The following MELTF variants were observed in gnomAD, a reference collection of about 807,000 sequenced individuals.
MELTF encodes the protein melanotransferrin.
A neutral mutation model predicts 83.7 loss-of-function variants in MELTF; 67 were observed. The observed-to-expected ratio is 0.80, with a 90% CI of 0.66 to 0.98. The LOEUF (loss-of-function observed/expected upper bound fraction) is 0.98, where lower values mean the gene tolerates loss of function less well. Among genes scored for constraint, MELTF ranks in the 50% least tolerant of loss-of-function variants. The pLI is 0.00. For synonymous variants in MELTF, 462 were observed against 447.6 expected (o/e 1.03, Z -0.41); for missense variants, 1,002 against 1,035.6 (o/e 0.97, Z 0.44).
chr3:197,018,516 G>A (rs1348729719), intron 6 of MELTF, among the ~76,000 whole-genome samples: 1 of 151,516 alleles, frequency 6.6e-6, no homozygotes, highest in African/African-American at 2.4e-5. Context: ...GCATGATCTT[G>A]GCTCACTGCA....
At chr3:197,016,391 A>T in intron 7 of MELTF, 22 bp from the exon 8 acceptor site, 1 of 1,524,536 alleles carries the variant, frequency 6.6e-7, no homozygotes, top group Non-Finnish European at 8.8e-7. Context: ...GGGGTGTGGT[A>T]CAGGGTGGTG....
intron 9 of MELTF, among the ~76,000 whole-genome samples, chr3:197,013,353 C>T (rs938340214): frequency 6.6e-6 from 1 of 152,160 alleles, no homozygotes; most frequent in African/African-American, 2.4e-5. Flanking sequence ...CTACCCCTCA[C>T]CCAGCACAGG....
intron 4 of MELTF, 57 bp from the exon 5 acceptor site, chr3:197,023,170 G>A: frequency 3.8e-6 from 6 of 1,585,626 alleles, no homozygotes; most frequent in Non-Finnish European, 5.2e-6. Flanking sequence ...GCCAAGCCAA[G>A]CCCCCAGGGT....
At chr3:197,017,316 G>A in intron 6 of MELTF, 26 bp from the exon 7 acceptor site, 4 of 1,499,922 alleles carry the variant, frequency 2.7e-6, no homozygotes, top group Non-Finnish European at 3.6e-6. Context: ...CCTGGGCTGA[G>A]CCAGCTCCGA....
chr3:197,013,890 A>T (rs1184477035), intron 9 of MELTF, among the ~76,000 whole-genome samples: 2 of 152,252 alleles, frequency 1.3e-5, no homozygotes, highest in Admixed American at 1.3e-4. Context: ...AAACTCTTAC[A>T]CACCGTTGCT....
chr3:197,026,789 G>A (rs1347351696), intron 2 of MELTF, 30 bp from the exon 3 acceptor site: 9 of 1,595,984 alleles, frequency 5.6e-6, no homozygotes, highest in South Asian at 1.1e-5. Context: ...AGCCAAGCCT[G>A]GCCCAGCTGG....
At chr3:197,004,164 C>T (rs1718892755) in intron 14 of MELTF, 65 bp from the exon 15 acceptor site, 2 of 1,474,802 alleles carry the variant, frequency 1.4e-6, no homozygotes, top group African/African-American at 1.4e-5. Context: ...CCGCCCAGTG[C>T]CGCTAGCTGC....
Position 197,008,885 on chromosome 3 carries a change from C to A in MELTF, c.1606G>T (p.Val536Leu), listed in dbSNP as rs189348794. The change falls in exon 12 of 16, where the codon GTG (valine) becomes TTG (leucine). Residue 536 changes from valine to leucine, a missense_variant. Transcript: ENST00000296350. This position sits in a 1 kb window ranked among gnomAD's most constrained non-coding sequence, Gnocchi z 5.4. ...TTGTTGCGGCCCTGCTCGTCCCCCA[C>A]GCACAGTGCACACAGCGAGGAGGGG... is the stretch of plus-strand genomic sequence containing the variant. Reference protein sequence around the residue: ...NYPSSLCALCVGDEQGRNKCV... With the variant: ...NYPSSLCALCLGDEQGRNKCV... 1 of 1,614,190 alleles carries A rather than the reference C, an allele frequency of 6.2e-7. No individual in the cohort carries two copies. The highest frequency in any genetic ancestry group is 8.5e-7 in the Non-Finnish European group (1 of 1,180,032).
chr3:197,019,595 G>A, intron 6 of MELTF: 1 of 1,587,576 alleles, frequency 6.3e-7, no homozygotes, highest in Non-Finnish European at 8.6e-7. Context: ...AAGTTTGAAA[G>A]AGCTGATTCT....
At chr3:197,012,113 A>G (rs1184102489) in intron 9 of MELTF, among the ~76,000 whole-genome samples, 3 of 152,166 alleles carry the variant, frequency 2.0e-5, no homozygotes, top group African/African-American at 4.8e-5. Context: ...ACAGGCTTCT[A>G]TCGGGCCTGC....
Position 197,006,472 on chromosome 3 carries a change from G to T in MELTF, c.1938+77C>A. 1 of 1,362,288 alleles carries T rather than the reference G, an allele frequency of 7.3e-7. No individual in the cohort carries two copies. Among genetic ancestry groups the T allele is most frequent in the Non-Finnish European group, 1.0e-6 (1 of 1,001,904 alleles). The allele number at this position is 1,362,288 out of a possible 1,614,324, so 84.4% of individuals were successfully genotyped here. On this transcript the variant is annotated intron_variant, in intron 14 of 15. Transcript: ENST00000296350. This position sits in a 1 kb window ranked among gnomAD's most constrained non-coding sequence, Gnocchi z 5.4. ...TCAATTTCTCTAGAGGTCTGCTCCA[G>T]GTAGACTGAGGCCTCCCAGGGGCTC...
chr3:197,013,325 A>C (rs1719250408), intron 9 of MELTF, among the ~76,000 whole-genome samples: 1 of 152,192 alleles, frequency 6.6e-6, no homozygotes, highest in Non-Finnish European at 1.5e-5. Context: ...CCAAGTGCAG[A>C]ATGAACGGGG....
chr3:197,015,411 T>C lies in MELTF; in HGVS notation c.1187A>G (p.Gln396Arg). The C allele has an allele frequency of 6.3e-7, 1 of 1,589,852 alleles. No homozygotes were observed. Among genetic ancestry groups the C allele is most frequent in the East Asian group, 2.3e-5 (1 of 43,380 alleles). The change falls in exon 9 of 16, where the codon CAG becomes CGG. Residue 396 changes from glutamine to arginine, a missense_variant. Physicochemically the swap from Gln to Arg is conservative, Grantham distance 43 (BLOSUM62 1). Transcript: ENST00000296350. ...FRRQRLKPEIQCVSAKSPQHC... is the reference protein window; with the variant it reads ...FRRQRLKPEIRCVSAKSPQHC... ...TTGGGGGGACTTGGCTGACACGCAC[T>C]GGATCTCTGGCTTGAGCCGCTGCCG... is the stretch of plus-strand genomic sequence containing the variant.
Position 197,008,786 on chromosome 3 carries a change from A to C in MELTF, c.1682+23T>G. The stretch of plus-strand genomic sequence containing the variant: ...GGTCCCAGCCTCTGCACACAGCCCC[A>C]GACTGCCAGGCCACCCGGGTACCTG... On this transcript the variant is annotated intron_variant, in intron 12 of 15. Transcript: ENST00000296350. The surrounding 1 kb of genome is among the most constrained non-coding windows in gnomAD (Gnocchi z 5.4). 1 of 1,613,960 alleles carries C rather than the reference A, an allele frequency of 6.2e-7. No individual in the cohort carries two copies. The highest frequency in any genetic ancestry group is 1.7e-5 in the Admixed American group (1 of 60,012).
intron 8 of MELTF, 122 bp from the exon 9 acceptor site, chr3:197,015,638 T>G (rs1719341862): frequency 3.6e-6 from 4 of 1,114,890 alleles, no homozygotes; most frequent in Non-Finnish European, 5.0e-6. Context: ...ATAAGTTATT[T>G]AACCATCGGA....
Position 197,029,743 on chromosome 3 carries a change from C to A in MELTF, c.-41G>T. On this transcript the variant is annotated 5_prime_UTR_variant, in exon 1 of 16. Coordinates refer to ENST00000296350, the MANE Select transcript of MELTF (RefSeq NM_005929.6). This position sits in a 1 kb window ranked among gnomAD's most constrained non-coding sequence, Gnocchi z 6.5. ...GGCTGGGGCCGGGCTGGGGCTGGGT[C>A]CGGGTCCGAGGAGGTCCGCAGCAGC... The A allele has an allele frequency of 8.2e-7, 1 of 1,221,268 alleles. No homozygotes were observed. The highest frequency in any genetic ancestry group is 4.1e-5 in the South Asian group (1 of 24,298). 75.7% of individuals were successfully genotyped at this position (1,221,268 alleles called of 1,614,324 possible). A position where few individuals can be genotyped will look rare whatever the true frequency, so the allele number is the denominator to read the frequency against.
intron 10 of MELTF, 112 bp downstream of exon 10, chr3:197,010,586 C>T: frequency 1.1e-6 from 1 of 885,242 alleles, no homozygotes; most frequent in Non-Finnish European, 1.8e-6. Flanking sequence ...CAGCCACTAT[C>T]CCCAGGAGAG....
chr3:197,014,429 C>G (rs1346156615), intron 9 of MELTF, among the ~76,000 whole-genome samples: 1 of 142,128 alleles, frequency 7.0e-6, no homozygotes, highest in Non-Finnish European at 1.5e-5. Context: ...CTCTTGTCGC[C>G]CAGGCTGGAG....
Position 197,027,759 on chromosome 3 carries a change from G to T in MELTF, c.201C>A (p.Ile67=). ...GGGTGGAAGGGAGAGGACTCACCGC[G>T]ATGAGCTGGACGCAGTGGTCGGCGG... ...GTSADHCVQL[I]AAQEADAITL... is the part of the protein sequence containing the mutation. The change falls in exon 2 of 16, where the codon ATC becomes ATA. Residue 67 remains isoleucine (I), a synonymous_variant. Coordinates refer to ENST00000296350, the MANE Select transcript of MELTF (RefSeq NM_005929.6). 1.2e-6 allele frequency: 2 copies of T among 1,606,294 alleles called. No individual in the cohort carries two copies. The highest frequency in any genetic ancestry group is 1.7e-6 in the Non-Finnish European group (2 of 1,175,668).
Sources: allele counts gnomAD v4.1 joint callset (sites outside exome capture counted in the v4.1 genomes callset), GRCh38; gene constraint gnomAD v4.1.1; non-coding constraint Gnocchi (gnomAD v3.1); transcripts MANE v1.5; gene names NCBI Gene and HGNC (gene_info 2026-07-23, HGNC 2026-07-21).